Variants in R3HCC1L observed in about 807,000 individuals in gnomAD.
R3HCC1L encodes R3H domain and coiled-coil containing 1 like, also known as coiled-coil domain-containing protein R3HCC1L.
A neutral mutation model predicts 59.9 loss-of-function variants in R3HCC1L; 51 were observed. The ratio of observed to expected loss-of-function variants is 0.85; its 90% CI spans 0.68 to 1.07. The LOEUF (loss-of-function observed/expected upper bound fraction) is 1.07. R3HCC1L is among the 50% of genes least tolerant of loss of function. The pLI, the probability that R3HCC1L is intolerant of heterozygous loss-of-function variation, is 0.00. For synonymous variants in R3HCC1L, 322 were observed against 315.2 expected, an observed-to-expected ratio of 1.02 and a Z score of -0.23; for missense variants, 965 against 933.0, an observed-to-expected ratio of 1.03 and a Z score of -0.45.
intron 4 of R3HCC1L, among the ~76,000 whole-genome samples, chr10:98,166,681 A>G (rs1010903082): frequency 2.0e-5 from 3 of 152,112 alleles, no homozygotes; most frequent in African/African-American, 7.2e-5. Context: ...CATTAAAACA[A>G]TCTTTCCAAT....
intron 6 of R3HCC1L, 120 bp downstream of exon 6, chr10:98,231,807 GT>G: frequency 9.1e-7 from 1 of 1,093,330 alleles, no homozygotes; most frequent in Non-Finnish European, 1.3e-6. Context: ...CATCAGGCTG[GT>G]TTATTGTCTT....
At chr10:98,207,572 T>C (rs893569266) in intron 4 of R3HCC1L, among the ~76,000 whole-genome samples, 1 of 152,226 alleles carries the variant, frequency 6.6e-6, no homozygotes, top group African/African-American at 2.4e-5. Flanking sequence ...TTCTAAGATA[T>C]CTTAGATCAA....
intron 4 of R3HCC1L, among the ~76,000 whole-genome samples, chr10:98,179,355 T>C (rs1452731802): frequency 6.6e-6 from 1 of 152,184 alleles, no homozygotes; most frequent in Non-Finnish European, 1.5e-5. Flanking sequence ...GTTTATGTGA[T>C]GGATTACATT....
chr10:98,234,620 A>G, intron 7 of R3HCC1L, 104 bp downstream of exon 7: 2 of 1,218,800 alleles, frequency 1.6e-6, no homozygotes, highest in Non-Finnish European at 2.4e-6. Context: ...TTATTCAGCC[A>G]GTGTAGGTAA....
intron 1 of R3HCC1L, among the ~76,000 whole-genome samples, chr10:98,154,504 C>T (rs10748715): frequency 0.68 from 103,378 of 152,072 alleles, 35,319 homozygotes; most frequent in African/African-American, 0.76. Context: ...CATGTTGACA[C>T]TCAGAACATT....
chr10:98,236,724 A>G (rs975621857), intron 9 of R3HCC1L, among the ~76,000 whole-genome samples: 2 of 152,174 alleles, frequency 1.3e-5, no homozygotes, highest in African/African-American at 4.8e-5. Flanking sequence ...GAGTTCTCAG[A>G]AAAATATTTC....
intron 5 of R3HCC1L, among the ~76,000 whole-genome samples, chr10:98,221,512 G>T (rs1363537753): frequency 1.3e-5 from 2 of 151,738 alleles, no homozygotes; most frequent in African/African-American, 4.8e-5. Context: ...TATGTTTTAG[G>T]TCTAACGTTT....
chr10:98,218,378 G>A (rs1377443839), intron 5 of R3HCC1L, among the ~76,000 whole-genome samples: 1 of 152,098 alleles, frequency 6.6e-6, no homozygotes, highest in Middle Eastern at 3.4e-3. Flanking sequence ...CCATGATCAA[G>A]TGGGGTTTAT....
At chr10:98,211,283 ACTGT>A in intron 5 of R3HCC1L, 9 of 1,397,432 alleles carry the variant, frequency 6.4e-6, no homozygotes, top group Admixed American at 2.0e-5. Context: ...AGCCCAGCAA[ACTGT>A]CTATTTACAA....
rs1853228093 is a variant in R3HCC1L at position 98,209,297 on chromosome 10, T to G, written c.1183T>G (p.Tyr395Asp). Residue 395 changes from tyrosine to aspartate, a missense_variant, in exon 5 of 10, where the codon TAT becomes GAT. Transcript: ENST00000298999. ...CSDHVTVDSP[Y>D]VVAVRIADET... ...TGATCATGTAACTGTTGATAGCCCT[T>G]ATGTAGTTGCAGTTAGAATAGCTGA... 6.2e-7 allele frequency: 1 copy of G among 1,613,772 alleles called. No individual in the cohort carries two copies. Among genetic ancestry groups the G allele is most frequent in the Non-Finnish European group, 8.5e-7 (1 of 1,179,896 alleles).
At chr10:98,153,862 G>A (rs539972647) in intron 1 of R3HCC1L, among the ~76,000 whole-genome samples, 2 of 150,876 alleles carry the variant, frequency 1.3e-5, no homozygotes, top group South Asian at 4.2e-4. Context: ...GTGGTTTGCC[G>A]TGGTGTCACG....
chr10:98,146,142 G>C (rs1361125456), intron 1 of R3HCC1L, among the ~76,000 whole-genome samples: 1 of 149,244 alleles, frequency 6.7e-6, no homozygotes, highest in East Asian at 1.9e-4. Flanking sequence ...TGTGATTGTT[G>C]GGGACATTAA....
At chr10:98,217,023 G>A (rs1189081382) in intron 5 of R3HCC1L, among the ~76,000 whole-genome samples, 1 of 152,174 alleles carries the variant, frequency 6.6e-6, no homozygotes, top group African/African-American at 2.4e-5. Context: ...AATATGACAT[G>A]TCAGTTATAG....
chr10:98,163,914 ATAAG>A (rs1188946558), intron 4 of R3HCC1L, among the ~76,000 whole-genome samples: 1 of 152,244 alleles, frequency 6.6e-6, no homozygotes, highest in Non-Finnish European at 1.5e-5. Context: ...ATATTACCCT[ATAAG>A]TATTTGTTGT....
intron 9 of R3HCC1L, among the ~76,000 whole-genome samples, chr10:98,239,350 C>T (rs1194453901): frequency 6.6e-6 from 1 of 152,092 alleles, no homozygotes; most frequent in Non-Finnish European, 1.5e-5. Flanking sequence ...TTTGACATGA[C>T]CATTGCCAAT....
At chr10:98,182,997 G>T (rs1849805269) in intron 4 of R3HCC1L, among the ~76,000 whole-genome samples, 1 of 152,162 alleles carries the variant, frequency 6.6e-6, no homozygotes, top group Non-Finnish European at 1.5e-5. Flanking sequence ...GCGCTTCCTG[G>T]GTAAGGTGAT....
chr10:98,177,948 G>A (rs931603107), intron 4 of R3HCC1L, among the ~76,000 whole-genome samples: 1 of 152,124 alleles, frequency 6.6e-6, no homozygotes, highest in African/African-American at 2.4e-5. Context: ...GTAGATTCTG[G>A]ATATTAGCCC....
intron 5 of R3HCC1L, among the ~76,000 whole-genome samples, chr10:98,210,177 T>G (rs1177486155): frequency 6.6e-6 from 1 of 152,190 alleles, no homozygotes. Context: ...AAAGGAAAAC[T>G]TCTTCAAAAA....
chr10:98,153,629 A>AG (rs1350050058), intron 1 of R3HCC1L, among the ~76,000 whole-genome samples: 5 of 150,106 alleles, frequency 3.3e-5, no homozygotes, highest in African/African-American at 1.2e-4. Flanking sequence ...AAAAAAAAAA[A>AG]AAGAAGTTTA....
Sources: gnomAD v4.1 joint callset for allele counts (sites outside exome capture counted in the v4.1 genomes callset) on GRCh38, gnomAD v4.1.1 for gene constraint, MANE v1.5 for transcripts, NCBI Gene and HGNC (gene_info 2026-07-23, HGNC 2026-07-21) for gene names.